The following MEAF6 variants were observed in gnomAD, a reference collection of about 807,000 sequenced individuals.
The protein encoded by MEAF6 is MYST/Esa1 associated factor 6, also known as chromatin modification-related protein MEAF6.
A neutral mutation model predicts 28.9 loss-of-function variants in MEAF6; 15 were observed. That is an observed-to-expected ratio of 0.52 (90% CI 0.35 to 0.80). MEAF6 has a LOEUF of 0.80. MEAF6 is among the 30% of genes least tolerant of loss of function. MEAF6 has a pLI of 0.01. For missense variants in MEAF6, 178 were observed against 237.5 expected, an observed-to-expected ratio of 0.75 and a Z score of 1.65; for synonymous variants, 97 against 88.7, an observed-to-expected ratio of 1.09 and a Z score of -0.53.
chr1:37,501,704 CAGAA>C (rs1373074152), intron 5 of MEAF6, 96 bp downstream of exon 5: 7 of 1,203,738 alleles, frequency 5.8e-6, no homozygotes, highest in African/African-American at 4.6e-5. Context: ...CCATCAGCAA[CAGAA>C]AGAGTCTGCA....
chr1:37,496,718 A>C (rs977978899), intron 5 of MEAF6: 2 of 1,603,688 alleles, frequency 1.2e-6, no homozygotes, highest in Non-Finnish European at 1.7e-6. Context: ...CAAAGTCATA[A>C]TCAAACATGC....
chr1:37,494,095 T>A lies in MEAF6; in HGVS notation c.*4A>T, dbSNP rs1440109247. 1.2e-6 allele frequency: 2 copies of A among 1,613,122 alleles called. No homozygotes were observed. Among genetic ancestry groups the A allele is most frequent in the African/African-American group, 2.7e-5 (2 of 74,824 alleles). On this transcript the variant is annotated 3_prime_UTR_variant, in exon 7 of 7. Transcript: ENST00000296214. ...GCCTGGAAGCTTCTGCACTAATGTGTCTTCTAATAGTCCTAAAGAAAGAAA... is the reference window on the plus strand; with the variant it reads ...GCCTGGAAGCTTCTGCACTAATGTGACTTCTAATAGTCCTAAAGAAAGAAA...
chr1:37,497,121 G>A (rs539827972), intron 5 of MEAF6, among the ~76,000 whole-genome samples: 1 of 152,314 alleles, frequency 6.6e-6, no homozygotes, highest in East Asian at 1.9e-4. Flanking sequence ...TTTGAAGAGA[G>A]TGCTAACAAC....
intron 4 of MEAF6, among the ~76,000 whole-genome samples, chr1:37,505,011 G>C (rs916594556): frequency 6.6e-6 from 1 of 151,742 alleles, no homozygotes; most frequent in Admixed American, 6.6e-5. Flanking sequence ...AGCCTCCCAA[G>C]TAACTGGGAT....
At chr1:37,514,551 G>T in intron 1 of MEAF6, 106 bp downstream of exon 1, 1 of 816,428 alleles carries the variant, frequency 1.2e-6, no homozygotes, top group Non-Finnish European at 1.7e-6. Flanking sequence ...GGCCCGCCGC[G>T]CCGCGCCCCC....
chr1:37,501,862 TAGA>T lies in MEAF6; in HGVS notation c.472_474del (p.Ser158del), dbSNP rs1557607353. The T allele has an allele frequency of 3.1e-6, 5 of 1,607,128 alleles. No homozygotes were observed. The highest frequency in any genetic ancestry group is 1.7e-4 in the Middle Eastern group (1 of 6,054). On this transcript the variant is annotated inframe_deletion, in exon 5 of 7. Transcript: ENST00000296214. Reference sequence around the variant, plus strand: ...CTGCTGTGGTGACTCCCTGAGGAAGTAGAAGAAGCAGCCTTCTGAGGTTTCACT... The same window carrying T: ...CTGCTGTGGTGACTCCCTGAGGAAGTAGAAGCAGCCTTCTGAGGTTTCACT...
At chr1:37,502,081 G>GAA in intron 4 of MEAF6, 85 bp from the exon 5 acceptor site, 2 of 1,112,260 alleles carry the variant, frequency 1.8e-6, no homozygotes, top group Non-Finnish European at 1.3e-6. Flanking sequence ...CTAATAGGTA[G>GAA]AAAAAAACCA....
At chr1:37,496,639 G>A (rs1420727852) in intron 5 of MEAF6, 3 of 1,542,666 alleles carry the variant, frequency 1.9e-6, no homozygotes, top group Non-Finnish European at 2.7e-6. Context: ...GGTTAGAAAG[G>A]TCTCAAAAAG....
chr1:37,504,800 TACACAC>T (rs143477333), intron 4 of MEAF6, among the ~76,000 whole-genome samples: 29 of 135,176 alleles, frequency 2.1e-4, no homozygotes, highest in East Asian at 1.1e-3. Flanking sequence ...AAAATTTATA[TACACAC>T]ACACACACAC....
Position 37,494,951 on chromosome 1 carries a change from T to C in MEAF6, c.568-844A>G, listed in dbSNP as rs150437897. 1.2e-3 allele frequency among the ~76,000 whole-genome samples: 183 copies of C among 152,218 alleles called. 1 individual carries two copies. The highest frequency in any genetic ancestry group is 4.3e-3 in the African/African-American group (180 of 41,530). ...GATTGAAACATCAATTTTGCTCTTATTAGAGCACCTGAATTCACCAGTCCA... is the reference window on the plus strand; with the variant it reads ...GATTGAAACATCAATTTTGCTCTTACTAGAGCACCTGAATTCACCAGTCCA... On this transcript the variant is annotated intron_variant, in intron 6 of 6. Transcript: ENST00000296214.
chr1:37,504,582 C>A (rs915115309), intron 4 of MEAF6, among the ~76,000 whole-genome samples: 2 of 151,566 alleles, frequency 1.3e-5, no homozygotes, highest in African/African-American at 4.8e-5. Flanking sequence ...ACCAGCCTGG[C>A]CAACATGGTA....
intron 4 of MEAF6, among the ~76,000 whole-genome samples, chr1:37,506,879 T>G (rs747139109): frequency 6.6e-6 from 1 of 152,152 alleles, no homozygotes; most frequent in Non-Finnish European, 1.5e-5. Context: ...AATACATAAG[T>G]GTTTGTCTTA....
intron 4 of MEAF6, among the ~76,000 whole-genome samples, chr1:37,507,589 T>C (rs973142840): frequency 6.6e-6 from 1 of 151,972 alleles, no homozygotes; most frequent in Non-Finnish European, 1.5e-5. Flanking sequence ...TGAAGTACCA[T>C]CACAAAAAAT....
intron 2 of MEAF6, among the ~76,000 whole-genome samples, chr1:37,510,526 C>CGTG (rs1642634922): frequency 6.6e-6 from 1 of 150,904 alleles, no homozygotes; most frequent in Non-Finnish European, 1.5e-5. Context: ...GGACTACAGG[C>CGTG]GCACCCCACC....
rs143477333 is a variant in MEAF6, at chr1:37,504,800, TACACACACACAC to T, written c.341-2816_341-2805del. 4.6e-3 allele frequency among the ~76,000 whole-genome samples: 622 copies of T among 135,172 alleles called. 5 individuals carry two copies. The highest frequency in any genetic ancestry group is 0.015 in the African/African-American group (546 of 36,288). 88.7% of individuals were successfully genotyped at this position (135,172 alleles called of 152,430 possible). A position where few individuals can be genotyped will look rare whatever the true frequency, so the allele number is the denominator to read the frequency against. ...AAAAAAAAAAAAAAAAAAATTTATA[TACACACACACAC>T]ACACACACACACACATTATCTATTT... is the stretch of plus-strand genomic sequence containing the variant. On this transcript the variant is annotated intron_variant, in intron 4 of 6. Transcript: ENST00000296214.
In MEAF6 at chr1:37,491,081, C is replaced by T. The variant is rs541779088; in HGVS notation, c.*3018G>A. Among the ~76,000 whole-genome samples, 30 of 152,246 alleles carry T rather than the reference C, an allele frequency of 2.0e-4. 1 individual carries two copies. In the South Asian group the frequency reaches 6.0e-3, roughly 31 times the overall value. On this transcript the variant is annotated 3_prime_UTR_variant, in exon 7 of 7. Transcript: ENST00000296214. Reference sequence around the variant, plus strand: ...ATTAATTTGGAGTAAGGTTGGGGGGCATAGAAGACAGAATAAATGCAAAAA... The same window carrying T: ...ATTAATTTGGAGTAAGGTTGGGGGGTATAGAAGACAGAATAAATGCAAAAA...
intron 4 of MEAF6, among the ~76,000 whole-genome samples, 176 bp from the exon 5 acceptor site, chr1:37,502,172 C>A (rs1034475219): frequency 6.6e-6 from 1 of 151,436 alleles, no homozygotes; most frequent in African/African-American, 2.4e-5. Flanking sequence ...TACAAAGGAT[C>A]CAAGTGACCA....
At chr1:37,498,585 G>A (rs1395415142) in intron 5 of MEAF6, among the ~76,000 whole-genome samples, 5 of 151,572 alleles carry the variant, frequency 3.3e-5, no homozygotes, top group Middle Eastern at 3.2e-3. Flanking sequence ...ATGCCATCAC[G>A]TCCAGTTAAT....
At position 37,493,469 on chromosome 1, in the gene MEAF6, T is replaced by A. The variant is rs1642005154; in HGVS notation, c.*630A>T. On this transcript the variant is annotated 3_prime_UTR_variant, in exon 7 of 7. Coordinates refer to ENST00000296214, the MANE Select transcript of MEAF6 (RefSeq NM_001270875.3). ...AGGTAATTACTAAACACTCTTTACCTCCCCTTGCAAAAAACAGAGGCAAGT... is the reference window on the plus strand; with the variant it reads ...AGGTAATTACTAAACACTCTTTACCACCCCTTGCAAAAAACAGAGGCAAGT... 1.7e-5 allele frequency: 7 copies of A among 419,842 alleles called. No homozygotes were observed. The Admixed American group carries it at 3.0e-4, about 18-fold the overall frequency. 26.0% of individuals were successfully genotyped at this position (419,842 alleles called of 1,614,324 possible). A position where few individuals can be genotyped will look rare whatever the true frequency, so the allele number is the denominator to read the frequency against.
Sources: allele counts gnomAD v4.1 joint callset (sites outside exome capture counted in the v4.1 genomes callset), GRCh38; gene constraint gnomAD v4.1.1; transcripts MANE v1.5; gene names NCBI Gene and HGNC (gene_info 2026-07-23, HGNC 2026-07-21).